The following HAUS2 variants were observed in gnomAD, a reference collection of about 807,000 sequenced individuals.
The protein encoded by HAUS2 is HAUS augmin-like complex subunit 2.
Under a neutral mutation model 21.6 loss-of-function variants are expected in HAUS2, and 20 were observed. That is an observed-to-expected ratio of 0.93 (90% CI 0.65 to 1.35). The LOEUF (loss-of-function observed/expected upper bound fraction) is 1.35, where lower values mean the gene tolerates loss of function less well. Among genes scored for constraint, HAUS2 ranks in the 40% most tolerant of loss-of-function variants. The pLI is 0.00. For missense variants in HAUS2, 297 were observed against 280.7 expected (o/e 1.06, Z -0.42); for synonymous variants, 113 against 95.6 (o/e 1.18, Z -1.06).
intron 4 of HAUS2, among the ~76,000 whole-genome samples, chr15:42,562,213 C>T (rs1223433234): frequency 6.6e-6 from 1 of 152,146 alleles, no homozygotes; most frequent in Non-Finnish European, 1.5e-5. Context: ...CCGCCAGTGC[C>T]TCACTAGCTT....
intron 5 of HAUS2, among the ~76,000 whole-genome samples, chr15:42,565,098 A>G (rs1234830678): frequency 6.6e-6 from 1 of 152,168 alleles, no homozygotes; most frequent in East Asian, 1.9e-4. Context: ...CAGCCTCCCA[A>G]AGTGTTGGGA....
chr15:42,565,025 C>G (rs922731284), intron 5 of HAUS2, among the ~76,000 whole-genome samples: 8 of 152,032 alleles, frequency 5.3e-5, no homozygotes, highest in Admixed American at 4.6e-4. Flanking sequence ...TTAGTAGAGA[C>G]GGGGTTTTGC....
At chr15:42,553,882 G>C (rs1283209890) in intron 1 of HAUS2, among the ~76,000 whole-genome samples, 2 of 152,194 alleles carry the variant, frequency 1.3e-5, no homozygotes, top group Non-Finnish European at 2.9e-5. Context: ...CAGCTGATAT[G>C]ATGGAAGGGC....
intron 1 of HAUS2, among the ~76,000 whole-genome samples, chr15:42,550,778 C>T (rs1269125837): frequency 6.6e-6 from 1 of 151,970 alleles, no homozygotes; most frequent in Non-Finnish European, 1.5e-5. Flanking sequence ...ATGCCATTCT[C>T]CTGCCTCAGC....
intron 1 of HAUS2, among the ~76,000 whole-genome samples, chr15:42,555,328 C>T (rs981317420): frequency 1.3e-5 from 2 of 151,960 alleles, no homozygotes; most frequent in African/African-American, 4.8e-5. Context: ...CAGGGTCTCC[C>T]TGTGTTGTGC....
Position 42,569,820 on chromosome 15 carries a change from G to C in HAUS2, c.*3004G>C, listed in dbSNP as rs2057943557. ...TTTAGTTGTATTTCATCAAAAATCT[G>C]TTCATACCCCACGTTGGTTTCAAAA... is the stretch of plus-strand genomic sequence containing the variant. On this transcript the variant is annotated 3_prime_UTR_variant, in exon 6 of 6. Transcript: ENST00000260372. The C allele has an allele frequency of 6.6e-6, 1 of 152,126 alleles. No individual in the cohort carries two copies. The highest frequency in any genetic ancestry group is 2.1e-4 in the South Asian group (1 of 4,834). The allele number at this position is 152,126 out of a possible 1,614,324, so 9.4% of individuals were successfully genotyped here.
In HAUS2 at chr15:42,569,895, A is replaced by ATG; in HGVS notation, c.*3083_*3084dup. The stretch of plus-strand genomic sequence containing the variant: ...ATTTCCTATATTCATTTTTGTGTGT[A>ATG]TGTGTATGTCACAAATATTGATATG... On this transcript the variant is annotated 3_prime_UTR_variant, in exon 6 of 6. Coordinates refer to ENST00000260372, the MANE Select transcript of HAUS2 (RefSeq NM_018097.3). 6.6e-6 allele frequency: 1 copy of ATG among 152,232 alleles called. No homozygotes were observed. Among genetic ancestry groups the ATG allele is most frequent in the East Asian group, 1.9e-4 (1 of 5,190 alleles). The allele number at this position is 152,232 out of a possible 1,614,324, so 9.4% of individuals were successfully genotyped here.
At chr15:42,558,020 G>A (rs538573030) in intron 1 of HAUS2, among the ~76,000 whole-genome samples, 178 bp from the exon 2 acceptor site, 17 of 152,086 alleles carry the variant, frequency 1.1e-4, no homozygotes, top group African/African-American at 3.9e-4. Flanking sequence ...AGTGATTTGT[G>A]ATGGTGAAGG....
intron 1 of HAUS2, 94 bp downstream of exon 1, chr15:42,549,059 G>T (rs1025056856): frequency 3.7e-5 from 30 of 808,864 alleles, no homozygotes; most frequent in Non-Finnish European, 5.6e-5. Flanking sequence ...GAGTGGTGAG[G>T]GTCCTGGTTG....
intron 5 of HAUS2, among the ~76,000 whole-genome samples, chr15:42,565,387 A>ATGTGTG (rs139933934): frequency 0.027 from 3,672 of 136,404 alleles, 66 homozygotes; most frequent in East Asian, 0.067. Flanking sequence ...GAGCCATTGA[A>ATGTGTG]TGTGTGTGTG....
chr15:42,558,796 A>C (rs536276988), intron 2 of HAUS2, among the ~76,000 whole-genome samples: 1 of 152,120 alleles, frequency 6.6e-6, no homozygotes, highest in South Asian at 2.1e-4. Context: ...CGTCTCTACA[A>C]AAAATTTTAA....
chr15:42,559,007 A>C (rs2057820094), intron 2 of HAUS2, among the ~76,000 whole-genome samples: 1 of 152,154 alleles, frequency 6.6e-6, no homozygotes, highest in Admixed American at 6.5e-5. Context: ...TTGAACTTAG[A>C]ACAGTGTCTA....
At position 42,563,780 on chromosome 15, in the gene HAUS2, A is replaced by T; in HGVS notation, c.421A>T (p.Thr141Ser). ...GGTACATTTGCTGGAGTTGGCTGTGACTTTCATTGAGAGATTAGAAACCCA... is the reference window on the plus strand; with the variant it reads ...GGTACATTTGCTGGAGTTGGCTGTGTCTTTCATTGAGAGATTAGAAACCCA... The part of the protein sequence containing the change: ...YMVHLLELAV[T>S]FIERLETHLE... The change falls in exon 5 of 6, where the codon ACT becomes TCT. Residue 141 changes from threonine (T) to serine (S), a missense_variant. Physicochemically the swap from Thr to Ser is moderately conservative, Grantham distance 58. Coordinates refer to ENST00000260372, the MANE Select transcript of HAUS2 (RefSeq NM_018097.3). 6.4e-7 allele frequency: 1 copy of T among 1,574,420 alleles called. No individual in the cohort carries two copies. Among genetic ancestry groups the T allele is most frequent in the Non-Finnish European group, 8.7e-7 (1 of 1,148,304 alleles).
chr15:42,549,008 G>A, intron 1 of HAUS2, 43 bp downstream of exon 1: 3 of 1,281,202 alleles, frequency 2.3e-6, no homozygotes, highest in Non-Finnish European at 3.3e-6. Flanking sequence ...GGTGCCCAAG[G>A]TGGCAACAAT....
chr15:42,549,177 G>A (rs2057691113), intron 1 of HAUS2, among the ~76,000 whole-genome samples: 1 of 152,176 alleles, frequency 6.6e-6, no homozygotes, highest in African/African-American at 2.4e-5. Flanking sequence ...AGGGTAGACT[G>A]TGTTTTGAGT....
Position 42,567,816 on chromosome 15 carries a change from C to G in HAUS2, c.*1000C>G, listed in dbSNP as rs1483902131. ...CCAAGATCGTGCCTCTGCACTCCAACCTGGGTGATGGAGCAAGACTCCATC... is the reference window on the plus strand; with the variant it reads ...CCAAGATCGTGCCTCTGCACTCCAAGCTGGGTGATGGAGCAAGACTCCATC... On this transcript the variant is annotated 3_prime_UTR_variant, in exon 6 of 6. Coordinates refer to ENST00000260372, the MANE Select transcript of HAUS2 (RefSeq NM_018097.3). 2 of 152,124 alleles carry G rather than the reference C, an allele frequency of 1.3e-5. No homozygotes were observed. The highest frequency in any genetic ancestry group is 4.8e-5 in the African/African-American group (2 of 41,370). 9.4% of individuals were successfully genotyped at this position (152,124 alleles called of 1,614,324 possible).
At chr15:42,560,024 A>G (rs1326856229) in intron 3 of HAUS2, among the ~76,000 whole-genome samples, 1 of 152,150 alleles carries the variant, frequency 6.6e-6, no homozygotes, top group African/African-American at 2.4e-5. Context: ...GCATTGTAGC[A>G]TGTACCTGTA....
chr15:42,548,890 G>T lies in HAUS2; in HGVS notation c.18G>T (p.Pro6=), dbSNP rs542482693. MAAAN[P]WDPASAPNGA... ...TCCGAGCCATGGCCGCTGCCAACCC[G>T]TGGGACCCGGCGTCCGCGCCTAACG... The change falls in exon 1 of 6, where the codon CCG becomes CCT. Residue 6 remains proline, a synonymous_variant. Transcript: ENST00000260372. The T allele has an allele frequency of 3.2e-6, 5 of 1,550,290 alleles. No homozygotes were observed. Among genetic ancestry groups the T allele is most frequent in the Non-Finnish European group, 4.4e-6 (5 of 1,146,760 alleles).
intron 5 of HAUS2, 90 bp from the exon 6 acceptor site, chr15:42,566,517 T>A: frequency 1.3e-6 from 1 of 746,776 alleles, no homozygotes; most frequent in Non-Finnish European, 2.3e-6. Context: ...TGGAAAAAGA[T>A]CATGTGTTAA....
Sources: allele counts gnomAD v4.1 joint callset (sites outside exome capture counted in the v4.1 genomes callset), GRCh38; gene constraint gnomAD v4.1.1; transcripts MANE v1.5; gene names NCBI Gene and HGNC (gene_info 2026-07-23, HGNC 2026-07-21).